Variants in DIRAS2 observed in about 807,000 individuals in gnomAD.
DIRAS2 encodes the protein GTP-binding protein Di-Ras2.
A neutral mutation model predicts 13.9 loss-of-function variants in DIRAS2; 5 were observed. The observed-to-expected ratio is 0.36, with a 90% CI of 0.19 to 0.76. The LOEUF (loss-of-function observed/expected upper bound fraction) is 0.76. Ranked by LOEUF, DIRAS2 falls within the 30% of genes least tolerant of loss-of-function variation. The probability of loss-of-function intolerance (pLI) is 0.53; values close to 1 mark genes in which losing one functional copy is unlikely to be tolerated. For synonymous variants in DIRAS2, 111 were observed against 105.4 expected (o/e 1.05, Z -0.33); for missense variants, 191 against 263.0 (o/e 0.73, Z 1.89).
chr9:90,628,217 G>A (rs1406354608), intron 1 of DIRAS2, among the ~76,000 whole-genome samples: 3 of 152,140 alleles, frequency 2.0e-5, no homozygotes, highest in African/African-American at 7.2e-5. Flanking sequence ...CCCTAGACCT[G>A]TGCTGCCCAC....
intron 1 of DIRAS2, among the ~76,000 whole-genome samples, chr9:90,641,167 G>A (rs1413566129): frequency 2.6e-5 from 4 of 152,180 alleles, no homozygotes; most frequent in Non-Finnish European, 5.9e-5. Context: ...AGAATGCTGG[G>A]TTGTTAGACA....
intron 1 of DIRAS2, among the ~76,000 whole-genome samples, chr9:90,624,137 G>A (rs1028766831): frequency 6.6e-6 from 1 of 152,160 alleles, no homozygotes; most frequent in Non-Finnish European, 1.5e-5. Context: ...GTACATGGGA[G>A]CCCTTTAAAA....
intron 1 of DIRAS2, among the ~76,000 whole-genome samples, chr9:90,638,666 G>A (rs762592379): frequency 4.0e-5 from 6 of 151,440 alleles, no homozygotes; most frequent in African/African-American, 1.2e-4. Flanking sequence ...GTGTGTGCAC[G>A]TAATTGGGGT....
At chr9:90,625,282 T>C (rs72757615) in intron 1 of DIRAS2, among the ~76,000 whole-genome samples, 4,948 of 152,312 alleles carry the variant, frequency 0.032, 135 homozygotes, top group South Asian at 0.12. Flanking sequence ...GAATTTCTAG[T>C]GTTAGCCACC....
intron 1 of DIRAS2, among the ~76,000 whole-genome samples, chr9:90,625,248 C>T (rs1349149024): frequency 6.6e-6 from 1 of 152,170 alleles, no homozygotes; most frequent in African/African-American, 2.4e-5. Flanking sequence ...AGCCCGTGGG[C>T]TACCTATGTA....
chr9:90,619,801 T>G (rs1331992719), intron 1 of DIRAS2, among the ~76,000 whole-genome samples: 1 of 152,146 alleles, frequency 6.6e-6, no homozygotes, highest in Non-Finnish European at 1.5e-5. Context: ...AGCACAAATG[T>G]TTGTAACTAA....
At chr9:90,635,383 C>A (rs963641599) in intron 1 of DIRAS2, among the ~76,000 whole-genome samples, 1 of 152,190 alleles carries the variant, frequency 6.6e-6, no homozygotes, top group Non-Finnish European at 1.5e-5. Flanking sequence ...CAGAAGGAAG[C>A]CTTTCAGACT....
chr9:90,634,995 C>G (rs767870938), intron 1 of DIRAS2, among the ~76,000 whole-genome samples: 1 of 152,218 alleles, frequency 6.6e-6, no homozygotes. Flanking sequence ...CTTTAAGACA[C>G]CTTTTGACTT....
chr9:90,619,168 G>T (rs570490442), intron 1 of DIRAS2, among the ~76,000 whole-genome samples: 1 of 152,016 alleles, frequency 6.6e-6, no homozygotes, highest in Non-Finnish European at 1.5e-5. Context: ...GGCTGGGGGC[G>T]GTGGCTCATG....
intron 1 of DIRAS2, among the ~76,000 whole-genome samples, chr9:90,637,601 G>A (rs749749616): frequency 3.9e-5 from 6 of 152,186 alleles, no homozygotes; most frequent in Non-Finnish European, 7.3e-5. Flanking sequence ...CAAGATGTCT[G>A]TTTCTCATTA....
chr9:90,630,455 C>T (rs911796964), intron 1 of DIRAS2, among the ~76,000 whole-genome samples: 6 of 152,172 alleles, frequency 3.9e-5, no homozygotes, highest in African/African-American at 1.4e-4. Flanking sequence ...CAGAAAAGAT[C>T]TTGAAGCCAA....
chr9:90,613,933 A>G lies in DIRAS2; in HGVS notation c.-36-70T>C. 1 of 1,371,332 alleles carries G rather than the reference A, an allele frequency of 7.3e-7. No individual in the cohort carries two copies. Among genetic ancestry groups the G allele is most frequent in the Admixed American group, 2.5e-5 (1 of 39,368 alleles). 84.9% of individuals were successfully genotyped at this position (1,371,332 alleles called of 1,614,324 possible). Reference sequence around the variant, plus strand: ...TAAAAACATTAATAAGGATAGCTCTACCCTCTTTTGATAGCTTAAAAATGG... The same window carrying G: ...TAAAAACATTAATAAGGATAGCTCTGCCCTCTTTTGATAGCTTAAAAATGG... On this transcript the variant is annotated intron_variant, in intron 1 of 1. Transcript: ENST00000375765. This position sits in a 1 kb window ranked among gnomAD's most constrained non-coding sequence, Gnocchi z 5.6.
intron 1 of DIRAS2, among the ~76,000 whole-genome samples, chr9:90,620,741 C>CA (rs577185569): frequency 0.019 from 2,495 of 132,104 alleles, 67 homozygotes; most frequent in African/African-American, 0.063. Context: ...TCCGCTGTCT[C>CA]AAAAAAAAAA....
At chr9:90,632,788 A>G (rs1017915238) in intron 1 of DIRAS2, among the ~76,000 whole-genome samples, 1 of 152,254 alleles carries the variant, frequency 6.6e-6, no homozygotes, top group Non-Finnish European at 1.5e-5. Context: ...GCCTTAGGCC[A>G]GAACAACGTA....
rs1825097573 is a variant in DIRAS2 at position 90,610,237 on chromosome 9, T to G, written c.*2991A>C. On this transcript the variant is annotated 3_prime_UTR_variant, in exon 2 of 2. Transcript: ENST00000375765. ...TTTTTGTTCTACAAAGAATGAGCAT[T>G]TCTTAAATATTACAAACAGTGAAAC... 1 of 392,250 alleles carries G rather than the reference T, an allele frequency of 2.5e-6. No individual in the cohort carries two copies. The highest frequency in any genetic ancestry group is 4.5e-6 in the Non-Finnish European group (1 of 223,056). 24.3% of individuals were successfully genotyped at this position (392,250 alleles called of 1,614,324 possible).
chr9:90,614,948 GA>G (rs1163239927), intron 1 of DIRAS2, among the ~76,000 whole-genome samples: 1 of 152,086 alleles, frequency 6.6e-6, no homozygotes, highest in Non-Finnish European at 1.5e-5. Context: ...CTTCGGTAAG[GA>G]AGGACATATA....
chr9:90,629,814 G>T (rs1030646077), intron 1 of DIRAS2, among the ~76,000 whole-genome samples: 28 of 152,180 alleles, frequency 1.8e-4, no homozygotes, highest in Admixed American at 6.5e-5. Flanking sequence ...TACATGTTCA[G>T]TACGGGCACA....
chr9:90,641,168 T>C (rs1825415734), intron 1 of DIRAS2, among the ~76,000 whole-genome samples: 1 of 152,202 alleles, frequency 6.6e-6, no homozygotes, highest in South Asian at 2.1e-4. Context: ...GAATGCTGGG[T>C]TGTTAGACAC....
intron 1 of DIRAS2, among the ~76,000 whole-genome samples, chr9:90,632,542 A>G (rs1387224579): frequency 6.6e-6 from 1 of 152,190 alleles, no homozygotes; most frequent in African/African-American, 2.4e-5. Context: ...TATTTTCTCC[A>G]GCTTACATTT....
Sources: allele counts gnomAD v4.1 joint callset (sites outside exome capture counted in the v4.1 genomes callset), GRCh38; gene constraint gnomAD v4.1.1; non-coding constraint Gnocchi (gnomAD v3.1); transcripts MANE v1.5; gene names NCBI Gene and HGNC (gene_info 2026-07-23, HGNC 2026-07-21).